Variants in UTRN observed in about 807,000 individuals in gnomAD.
The protein encoded by UTRN is utrophin.
UTRN carries 283 observed loss-of-function variants against 463.9 expected under a neutral mutation model. The observed-to-expected ratio is 0.61, with a 90% CI of 0.55 to 0.67. The LOEUF (loss-of-function observed/expected upper bound fraction) is 0.67, where lower values mean the gene tolerates loss of function less well. UTRN is among the 30% of genes least tolerant of loss of function. The pLI is 0.00. For synonymous variants in UTRN, 1,442 were observed against 1,431.5 expected, an observed-to-expected ratio of 1.01 and a Z score of -0.17; for missense variants, 3,922 against 4,084.3, an observed-to-expected ratio of 0.96 and a Z score of 1.08.
chr6:144,307,378 A>G (rs1032910118), intron 2 of UTRN, among the ~76,000 whole-genome samples: 3 of 152,174 alleles, frequency 2.0e-5, no homozygotes, highest in Non-Finnish European at 4.4e-5. Context: ...AAGTTTTTAC[A>G]CTTGTGTTTC....
At chr6:144,570,055 T>C (rs1274374796) in intron 50 of UTRN, among the ~76,000 whole-genome samples, 1 of 152,154 alleles carries the variant, frequency 6.6e-6, no homozygotes. Flanking sequence ...TAAACTTGTG[T>C]TGTTTTTTAC....
At chr6:144,657,205 G>A (rs1475555687) in intron 51 of UTRN, among the ~76,000 whole-genome samples, 15 of 143,048 alleles carry the variant, frequency 1.0e-4, no homozygotes, top group African/African-American at 2.8e-4. Flanking sequence ...AGCTGAGATC[G>A]CGCCATTGCA....
chr6:144,298,378 C>A (rs1490146730), intron 2 of UTRN, among the ~76,000 whole-genome samples: 2 of 152,126 alleles, frequency 1.3e-5, no homozygotes, highest in Non-Finnish European at 2.9e-5. Flanking sequence ...TAGTTTCCAG[C>A]ATCCATGTGG....
intron 51 of UTRN, among the ~76,000 whole-genome samples, chr6:144,592,605 G>A (rs9497010): frequency 0.09 from 13,731 of 152,048 alleles, 1,433 homozygotes; most frequent in African/African-American, 0.25. Flanking sequence ...TCTTGACCTC[G>A]TGATCCCCCT....
intron 18 of UTRN, among the ~76,000 whole-genome samples, chr6:144,453,253 G>A (rs961852664): frequency 1.3e-5 from 2 of 152,040 alleles, no homozygotes; most frequent in African/African-American, 4.8e-5. Flanking sequence ...CTCCTGAGCA[G>A]CTGGGATTAT....
At chr6:144,634,446 A>T (rs1200951027) in intron 51 of UTRN, among the ~76,000 whole-genome samples, 1 of 152,134 alleles carries the variant, frequency 6.6e-6, no homozygotes, top group African/African-American at 2.4e-5. Flanking sequence ...GGATGGCGTA[A>T]GTTCTTTTCT....
intron 51 of UTRN, among the ~76,000 whole-genome samples, chr6:144,596,123 C>G (rs943267946): frequency 6.6e-6 from 1 of 152,166 alleles, no homozygotes; most frequent in Non-Finnish European, 1.5e-5. Flanking sequence ...ACCAAAATTT[C>G]AGGAAGTTGC....
At chr6:144,421,162 A>G (rs1288387376) in intron 3 of UTRN, among the ~76,000 whole-genome samples, 1 of 152,062 alleles carries the variant, frequency 6.6e-6, no homozygotes, top group East Asian at 1.9e-4. Flanking sequence ...GCCTACCGCC[A>G]TGCCCGGCTA....
chr6:144,737,523 G>C, intron 54 of UTRN, among the ~76,000 whole-genome samples: 1 of 152,248 alleles, frequency 6.6e-6, no homozygotes, highest in Middle Eastern at 3.4e-3. Context: ...TTAAGAGAAG[G>C]CATAGGAATT....
Position 144,851,670 on chromosome 6 carries a change from A to G in UTRN, c.*673A>G, listed in dbSNP as rs968099273. The G allele has an allele frequency of 6.6e-6, 1 of 152,140 alleles. No homozygotes were observed. The highest frequency in any genetic ancestry group is 1.5e-5 in the Non-Finnish European group (1 of 68,000). The allele number at this position is 152,140 out of a possible 1,614,324, so 9.4% of individuals were successfully genotyped here. A position where few individuals can be genotyped will look rare whatever the true frequency, so the allele number is the denominator to read the frequency against. Reference sequence around the variant, plus strand: ...TAACTTTATTTGACGTTGCCCACTTACTTCTTTGCTGACCACTTGGATAAC... The same window carrying G: ...TAACTTTATTTGACGTTGCCCACTTGCTTCTTTGCTGACCACTTGGATAAC... On this transcript the variant is annotated 3_prime_UTR_variant, in exon 75 of 75. Coordinates refer to ENST00000367545, the MANE Select transcript of UTRN (RefSeq NM_007124.3).
intron 53 of UTRN, among the ~76,000 whole-genome samples, chr6:144,724,293 A>G (rs942866828): frequency 2.1e-5 from 3 of 143,818 alleles, no homozygotes; most frequent in African/African-American, 7.9e-5. Flanking sequence ...CAGTGGCGCA[A>G]TCTCAGCCCA....
At chr6:144,823,964 A>G (rs1370562736) in intron 66 of UTRN, among the ~76,000 whole-genome samples, 1 of 152,196 alleles carries the variant, frequency 6.6e-6, no homozygotes, top group Non-Finnish European at 1.5e-5. Flanking sequence ...GTTGCAGTTA[A>G]CATCCGACTA....
chr6:144,488,588 G>C, intron 29 of UTRN, 85 bp from the exon 30 acceptor site: 10 of 1,337,026 alleles, frequency 7.5e-6, no homozygotes, highest in Non-Finnish European at 1.0e-5. Context: ...AGCTTTTATG[G>C]TCTTTTCTTA....
At chr6:144,388,117 G>A (rs1459185067) in intron 2 of UTRN, among the ~76,000 whole-genome samples, 1 of 152,144 alleles carries the variant, frequency 6.6e-6, no homozygotes, top group Admixed American at 6.5e-5. Flanking sequence ...GAATATAAGA[G>A]TCACTCAGAA....
At chr6:144,600,987 TG>T (rs1427378920) in intron 51 of UTRN, among the ~76,000 whole-genome samples, 1 of 152,164 alleles carries the variant, frequency 6.6e-6, no homozygotes, top group East Asian at 1.9e-4. Context: ...GCTCAATAAA[TG>T]GAACAACAAA....
At chr6:144,389,374 AC>A (rs1341016868) in intron 2 of UTRN, among the ~76,000 whole-genome samples, 1 of 152,044 alleles carries the variant, frequency 6.6e-6, no homozygotes, top group Non-Finnish European at 1.5e-5. Context: ...TTGGGGCCCC[AC>A]CGTTTATTTT....
intron 51 of UTRN, among the ~76,000 whole-genome samples, chr6:144,584,746 A>G (rs1361420047): frequency 6.6e-6 from 1 of 152,104 alleles, no homozygotes; most frequent in Non-Finnish European, 1.5e-5. Flanking sequence ...AATACTTACA[A>G]GAGTTTTATT....
chr6:144,309,798 G>A (rs1444716325), intron 2 of UTRN, among the ~76,000 whole-genome samples: 3 of 152,104 alleles, frequency 2.0e-5, no homozygotes, highest in African/African-American at 7.2e-5. Flanking sequence ...TGTAATAAAC[G>A]CGAAAGACCT....
At chr6:144,472,957 C>T (rs34983431) in intron 23 of UTRN, among the ~76,000 whole-genome samples, 27,786 of 151,752 alleles carry the variant, frequency 0.18, 2,821 homozygotes, top group South Asian at 0.31. Flanking sequence ...TTAATAGAGA[C>T]GGGGTTTCAC....
Sources: allele counts gnomAD v4.1 joint callset (sites outside exome capture counted in the v4.1 genomes callset), GRCh38; gene constraint gnomAD v4.1.1; transcripts MANE v1.5; gene names NCBI Gene and HGNC (gene_info 2026-07-23, HGNC 2026-07-21).